Variants in MROH2A observed in about 807,000 individuals in gnomAD.
MROH2A encodes the protein maestro heat-like repeat-containing protein family member 2A.
A neutral mutation model predicts 200.4 loss-of-function variants in MROH2A; 174 were observed. The ratio of observed to expected loss-of-function variants is 0.87; its 90% CI spans 0.77 to 0.98. The LOEUF (loss-of-function observed/expected upper bound fraction) is 0.98, where lower values mean the gene tolerates loss of function less well. Ranked by LOEUF, MROH2A falls within the 50% of genes least tolerant of loss-of-function variation. The pLI, the probability that MROH2A is intolerant of heterozygous loss-of-function variation, is 0.00. For missense variants in MROH2A, 2,045 were observed against 2,139.6 expected, an observed-to-expected ratio of 0.96 and a Z score of 0.87; for synonymous variants, 829 against 840.4, an observed-to-expected ratio of 0.99 and a Z score of 0.23.
rs1284689148 is a variant in MROH2A at position 233,832,167 on chromosome 2, C to T, written c.4735-10C>T. 1.9e-6 allele frequency: 3 copies of T among 1,549,896 alleles called. No homozygotes were observed. In the African/African-American group the frequency reaches 4.1e-5, roughly 21 times the overall value. ...CCTCCAAAGCTGTGTGTATCACTTACTTTTTGCAGACTCGGAAAAAGCCGG... is the reference window on the plus strand; with the variant it reads ...CCTCCAAAGCTGTGTGTATCACTTATTTTTTGCAGACTCGGAAAAAGCCGG... On this transcript the variant is annotated splice_polypyrimidine_tract_variant and intron_variant, in intron 39 of 41. Coordinates refer to ENST00000389758, the MANE Select transcript of MROH2A (RefSeq NM_001394639.1).
rs1266013498 is a variant in MROH2A at position 233,787,621 on chromosome 2, CA to C, written c.277-1875del. Among the ~76,000 whole-genome samples, 49 of 45,178 alleles carry C rather than the reference CA, an allele frequency of 1.1e-3. 4 individuals carry two copies. The highest frequency in any genetic ancestry group is 1.6e-3 in the Non-Finnish European group (45 of 28,832). 29.6% of individuals were successfully genotyped at this position (45,178 alleles called of 152,430 possible). ...TTATATATTATATATATCATATATA[CA>C]TATATATTATATATATTATATATAT... On this transcript the variant is annotated intron_variant, in intron 3 of 41. Transcript: ENST00000389758.
chr2:233,781,520 G>C (rs1211851347), intron 3 of MROH2A, among the ~76,000 whole-genome samples: 3 of 151,980 alleles, frequency 2.0e-5, no homozygotes, highest in African/African-American at 7.3e-5. Flanking sequence ...ATCCCTGTTG[G>C]CCACTTGTAT....
intron 5 of MROH2A, among the ~76,000 whole-genome samples, chr2:233,792,462 G>A (rs1452828310): frequency 6.6e-6 from 1 of 152,024 alleles, no homozygotes; most frequent in Non-Finnish European, 1.5e-5. Context: ...ACAGGCGCCT[G>A]CCAACACGCC....
At chr2:233,787,630 T>TATATATATTATATATATCATATATAC in intron 3 of MROH2A, among the ~76,000 whole-genome samples, 1 of 55,580 alleles carries the variant, frequency 1.8e-5, no homozygotes, top group Non-Finnish European at 2.9e-5. Context: ...ACATATATAT[T>TATATATATTATATATATCATATATAC]ATATATATTA....
chr2:233,798,341 C>A (rs753331556), intron 11 of MROH2A, among the ~76,000 whole-genome samples: 3 of 152,210 alleles, frequency 2.0e-5, no homozygotes, highest in Non-Finnish European at 2.9e-5. Flanking sequence ...CTACGTAATT[C>A]ACTTTACGTC....
rs1702901961 is a variant in MROH2A at position 233,807,806 on chromosome 2, A to AG, written c.2248dup (p.Glu750GlyfsTer35). On this transcript the variant is annotated frameshift_variant, in exon 21 of 42. Coordinates refer to ENST00000389758, the MANE Select transcript of MROH2A (RefSeq NM_001394639.1). LOFTEE classifies it high-confidence loss of function. The surrounding 1 kb of genome is among the most constrained non-coding windows in gnomAD (Gnocchi z 4.3). ...GTGCTGAATGTGCTTCATGACTTCG[A>AG]GGAGAGGATCCAGGAGTCAGAGCAG... 1.3e-6 allele frequency: 2 copies of AG among 1,550,774 alleles called. No individual in the cohort carries two copies. The highest frequency in any genetic ancestry group is 2.4e-5 in the South Asian group (2 of 84,062).
Position 233,797,493 on chromosome 2 carries a change from T to C in MROH2A, c.1252+1180T>C, listed in dbSNP as rs371905916. Among the ~76,000 whole-genome samples, 5 of 152,334 alleles carry C rather than the reference T, an allele frequency of 3.3e-5. No homozygotes were observed. In the East Asian group the frequency reaches 7.7e-4, roughly 24 times the overall value. On this transcript the variant is annotated intron_variant, in intron 11 of 41. Transcript: ENST00000389758. ...AAAAAGTGTGTAGTCAATCCACTTT[T>C]TGTGGAAAAGCTGCCCTCTTTCTAT... is the stretch of plus-strand genomic sequence containing the variant.
At chr2:233,822,334 G>A (rs1232718929) in intron 32 of MROH2A, 29 bp from the exon 33 acceptor site, 5 of 1,548,536 alleles carry the variant, frequency 3.2e-6, no homozygotes, top group Non-Finnish European at 4.4e-6. Context: ...CTGGGTAGGA[G>A]CCCGATGCCC....
At position 233,779,857 on chromosome 2, in the gene MROH2A, G is replaced by A; in HGVS notation, c.276+5G>A. ...CGCTGCCTGCAGGTGCCAGAGGTAGGGCCATCTTACCCACTGGGCTCAGCC... is the reference window on the plus strand; with the variant it reads ...CGCTGCCTGCAGGTGCCAGAGGTAGAGCCATCTTACCCACTGGGCTCAGCC... On this transcript the variant is annotated splice_donor_5th_base_variant and intron_variant, in intron 3 of 41. Coordinates refer to ENST00000389758, the MANE Select transcript of MROH2A (RefSeq NM_001394639.1). 1 of 1,548,582 alleles carries A rather than the reference G, an allele frequency of 6.5e-7. No individual in the cohort carries two copies. Among genetic ancestry groups the A allele is most frequent in the Non-Finnish European group, 8.7e-7 (1 of 1,146,380 alleles).
chr2:233,777,816 T>C (rs1474489698), upstream of MROH2A, among the ~76,000 whole-genome samples: 5 of 152,234 alleles, frequency 3.3e-5, no homozygotes, highest in African/African-American at 1.2e-4. Context: ...TCATCTCTCC[T>C]AGCTATAAAT....
chr2:233,800,971 C>T (rs974362026), intron 14 of MROH2A, among the ~76,000 whole-genome samples: 9 of 152,154 alleles, frequency 5.9e-5, no homozygotes, highest in Non-Finnish European at 1.0e-4. Flanking sequence ...TAATCATCAT[C>T]ATCATCATAG....
chr2:233,794,825 T>G (rs1425195500), intron 8 of MROH2A, among the ~76,000 whole-genome samples: 1 of 152,120 alleles, frequency 6.6e-6, no homozygotes, highest in Non-Finnish European at 1.5e-5. Flanking sequence ...GCAACAGAGA[T>G]GTATTCTCTG....
intron 19 of MROH2A, among the ~76,000 whole-genome samples, chr2:233,806,211 TA>T (rs1702780820): frequency 6.6e-6 from 1 of 152,086 alleles, no homozygotes; most frequent in African/African-American, 2.4e-5. Context: ...TAGAAGAATA[TA>T]TTGATGAATA....
rs868639543 is a variant in MROH2A, at chr2:233,804,084, C to T, written c.1783C>T (p.Arg595Cys). 9 of 1,550,526 alleles carry T rather than the reference C, an allele frequency of 5.8e-6. No homozygotes were observed. Among genetic ancestry groups the T allele is most frequent in the East Asian group, 2.4e-5 (1 of 40,910 alleles). The change falls in exon 17 of 42, where the codon CGT becomes TGT. Residue 595 changes from arginine to cysteine, a missense_variant. Coordinates refer to ENST00000389758, the MANE Select transcript of MROH2A (RefSeq NM_001394639.1). ...LMSSPYKGEG[R>C]GIAMLNLLRT... ...GTCATCACCTTACAAGGGGGAGGGT[C>T]GTGGGATAGCCATGCTCAACCTCTT...
At chr2:233,811,731 G>A in intron 23 of MROH2A, 149 bp from the exon 24 acceptor site, 1 of 633,664 alleles carries the variant, frequency 1.6e-6, no homozygotes, top group Non-Finnish European at 2.8e-6. Context: ...CCCCTAAGAT[G>A]CCAAAAGCCA....
At chr2:233,813,160 T>A (rs1703286712) in intron 24 of MROH2A, among the ~76,000 whole-genome samples, 1 of 152,256 alleles carries the variant, frequency 6.6e-6, no homozygotes, top group Non-Finnish European at 1.5e-5. Flanking sequence ...AGCAACTTCC[T>A]CTGGAGGGCT....
rs548102920 is a variant in MROH2A at position 233,805,170 on chromosome 2, G to T, written c.2052+59G>T. 4.1e-5 allele frequency: 47 copies of T among 1,135,718 alleles called. No homozygotes were observed. In the African/African-American group the frequency reaches 5.2e-4, roughly 13 times the overall value. The allele number at this position is 1,135,718 out of a possible 1,614,324, so 70.4% of individuals were successfully genotyped here. ...AGGAGTAGACTCCAGGGGTGAGGGA[G>T]TGGAGAGGATAACACCGTGTGTGTG... On this transcript the variant is annotated intron_variant, in intron 19 of 41. Coordinates refer to ENST00000389758, the MANE Select transcript of MROH2A (RefSeq NM_001394639.1).
At chr2:233,817,570 C>T (rs1412778382) in intron 27 of MROH2A, among the ~76,000 whole-genome samples, 1 of 152,206 alleles carries the variant, frequency 6.6e-6, no homozygotes, top group Non-Finnish European at 1.5e-5. Flanking sequence ...TTCACCTGGG[C>T]TCTCATGACA....
rs1178074696 is a variant in MROH2A at position 233,819,182 on chromosome 2, G to A, written c.3205-135G>A. On this transcript the variant is annotated intron_variant, in intron 29 of 41. Coordinates refer to ENST00000389758, the MANE Select transcript of MROH2A (RefSeq NM_001394639.1). ...GACCAGCCCCTTCTGGCTCAGCCCA[G>A]GAGGAGGCCATGGCCATGGTCTGAG... is the stretch of plus-strand genomic sequence containing the variant. The A allele has an allele frequency of 3.2e-6, 3 of 927,398 alleles. No individual in the cohort carries two copies. The Admixed American group carries it at 8.4e-5, about 26-fold the overall frequency. 57.4% of individuals were successfully genotyped at this position (927,398 alleles called of 1,614,324 possible).
Sources: allele counts gnomAD v4.1 joint callset (sites outside exome capture counted in the v4.1 genomes callset), GRCh38; gene constraint gnomAD v4.1.1; non-coding constraint Gnocchi (gnomAD v3.1); transcripts MANE v1.5; gene names NCBI Gene and HGNC (gene_info 2026-07-23, HGNC 2026-07-21).